The following ZNF805 variants were observed in gnomAD, a reference collection of about 807,000 sequenced individuals.
ZNF805 encodes the protein CTC-444N24.8.
ZNF805 carries 7 observed loss-of-function variants against 13.6 expected under a neutral mutation model. That is an observed-to-expected ratio of 0.51 (90% CI 0.29 to 0.97). The LOEUF (loss-of-function observed/expected upper bound fraction) is 0.97. Among genes scored for constraint, ZNF805 ranks in the 50% least tolerant of loss-of-function variants. The probability of loss-of-function intolerance (pLI) is 0.08; values close to 1 mark genes in which losing one functional copy is unlikely to be tolerated. For synonymous variants in ZNF805, 293 were observed against 279.8 expected (o/e 1.05, Z -0.47); for missense variants, 604 against 771.0 (o/e 0.78, Z 2.57).
rs921230717 is a variant in ZNF805, at chr19:57,254,132, A to G, written c.1313A>G (p.His438Arg). Residue 438 changes from histidine to arginine, a missense_variant, in exon 4 of 4, where the codon CAC becomes CGC. Physicochemically the swap from His to Arg is conservative, Grantham distance 29. This residue lies in a region of ZNF805 where 228 missense variants were observed against 352.8 expected (regional missense o/e 0.65). Coordinates refer to ENST00000414468, the MANE Select transcript of ZNF805 (RefSeq NM_001023563.4). ...VCSECGKAFT[H>R]CSTFILHKRA... ...AGTGAATGCGGAAAGGCCTTCACCC[A>G]CTGCTCTACTTTCATCTTGCATAAA... is the stretch of plus-strand genomic sequence containing the variant. 1 of 1,613,638 alleles carries G rather than the reference A, an allele frequency of 6.2e-7. No homozygotes were observed. The highest frequency in any genetic ancestry group is 8.5e-7 in the Non-Finnish European group (1 of 1,179,964).
intron 3 of ZNF805, among the ~76,000 whole-genome samples, chr19:57,250,853 C>T (rs941222085): frequency 6.6e-6 from 1 of 152,158 alleles, no homozygotes; most frequent in Admixed American, 6.5e-5. Flanking sequence ...CCCTTGGCCA[C>T]GGCCAGTTTT....
At chr19:57,251,373 G>A (rs2087650853) in intron 3 of ZNF805, among the ~76,000 whole-genome samples, 1 of 152,108 alleles carries the variant, frequency 6.6e-6, no homozygotes, top group East Asian at 1.9e-4. Context: ...TTCCTCATTG[G>A]TAGGGTGGTT....
chr19:57,256,587 G>T lies in ZNF805; in HGVS notation c.*1884G>T, dbSNP rs2087688595. ...AAGGAAGTGTTCATTTTATGTAAAT[G>T]TTCTAATTTGTAGCATTCTTTGAAA... is the stretch of plus-strand genomic sequence containing the variant. On this transcript the variant is annotated 3_prime_UTR_variant, in exon 4 of 4. Transcript: ENST00000414468. Among the ~76,000 whole-genome samples the T allele has an allele frequency of 6.6e-6, 1 of 152,050 alleles. No homozygotes were observed. Among genetic ancestry groups the T allele is most frequent in the Admixed American group, 6.6e-5 (1 of 15,266 alleles).
Position 57,254,806 on chromosome 19 carries a change from C to A in ZNF805, c.*103C>A. 8.0e-7 allele frequency: 1 copy of A among 1,243,844 alleles called. No homozygotes were observed. The highest frequency in any genetic ancestry group is 1.1e-6 in the Non-Finnish European group (1 of 904,214). The allele number at this position is 1,243,844 out of a possible 1,614,324, so 77.1% of individuals were successfully genotyped here. On this transcript the variant is annotated 3_prime_UTR_variant, in exon 4 of 4. Transcript: ENST00000414468. Reference sequence around the variant, plus strand: ...TCCATCCGAATTCATCCTGGAAAAACACCCAGTGGTTATTACGCACTTGGG... The same window carrying A: ...TCCATCCGAATTCATCCTGGAAAAAAACCCAGTGGTTATTACGCACTTGGG...
At position 57,260,545 on chromosome 19, in the gene ZNF805, T is replaced by C. The variant is rs567691690; in HGVS notation, c.*5842T>C. ...TCTGACTTGAAGGTCCTTTCCTGGC[T>C]TCTGTGAATTCCTGGCTTTTTTCCT... is the stretch of plus-strand genomic sequence containing the variant. On this transcript the variant is annotated 3_prime_UTR_variant, in exon 4 of 4. Coordinates refer to ENST00000414468, the MANE Select transcript of ZNF805 (RefSeq NM_001023563.4). Among the ~76,000 whole-genome samples, 1 of 152,212 alleles carries C rather than the reference T, an allele frequency of 6.6e-6. No individual in the cohort carries two copies. Among genetic ancestry groups the C allele is most frequent in the Non-Finnish European group, 1.5e-5 (1 of 68,042 alleles).
chr19:57,245,864 C>T (rs1397980239), intron 2 of ZNF805, among the ~76,000 whole-genome samples: 1 of 151,974 alleles, frequency 6.6e-6, no homozygotes, highest in African/African-American at 2.4e-5. Flanking sequence ...CAGGACAGAT[C>T]CTTTCTCCTC....
At position 57,243,813 on chromosome 19, in the gene ZNF805, G is replaced by T. The variant is rs547924264; in HGVS notation, c.31-110G>T. 4 of 1,473,920 alleles carry T rather than the reference G, an allele frequency of 2.7e-6. No homozygotes were observed. The African/African-American group carries it at 4.2e-5, about 15-fold the overall frequency. The allele number at this position is 1,473,920 out of a possible 1,614,324, so 91.3% of individuals were successfully genotyped here. A position where few individuals can be genotyped will look rare whatever the true frequency, so the allele number is the denominator to read the frequency against. On this transcript the variant is annotated intron_variant, in intron 1 of 3. Transcript: ENST00000414468. ...CTCCTTCAGCCTGGTACAAAGTTAG[G>T]CCCTCAGGAGGCCCTCAGTGACTTG... is the stretch of plus-strand genomic sequence containing the variant.
Position 57,240,934 on chromosome 19 carries a change from G to C in ZNF805, c.30+13G>C, listed in dbSNP as rs2087575752. 1.3e-6 allele frequency: 2 copies of C among 1,559,462 alleles called. No homozygotes were observed. The highest frequency in any genetic ancestry group is 1.4e-5 in the African/African-American group (1 of 73,292). On this transcript the variant is annotated intron_variant, in intron 1 of 3. Transcript: ENST00000414468. ...GGACCCGGCGCAGGTGAGTGGACAA[G>C]GTTTCGGCCTTGCTGCTTTTCTGCT...
At chr19:57,248,433 GC>G (rs1290626310) in intron 2 of ZNF805, among the ~76,000 whole-genome samples, 171 bp from the exon 3 acceptor site, 1 of 152,190 alleles carries the variant, frequency 6.6e-6, no homozygotes, top group African/African-American at 2.4e-5. Flanking sequence ...TTCTGTGGCA[GC>G]ATGACATGCC....
rs909529609 is a variant in ZNF805, at chr19:57,245,595, C to A, written c.157+1546C>A. Reference sequence around the variant, plus strand: ...GAGATAGAGACCATCCTGGCTAACACGGTGCAACCCTGTCTCTACTAAAAA... The same window carrying A: ...GAGATAGAGACCATCCTGGCTAACAAGGTGCAACCCTGTCTCTACTAAAAA... On this transcript the variant is annotated intron_variant, in intron 2 of 3. Transcript: ENST00000414468. 6.0e-4 allele frequency among the ~76,000 whole-genome samples: 89 copies of A among 148,300 alleles called. 2 individuals carry two copies. Among genetic ancestry groups the A allele is most frequent in the Middle Eastern group, 3.5e-3 (1 of 288 alleles).
Position 57,248,862 on chromosome 19 carries a change from A to G in ZNF805, c.253+162A>G, listed in dbSNP as rs149646838. ...GTGGTTTCTCCGTCCTCCCAGCCCC[A>G]TCGCACTTGTCGCCACTCCTGGGGA... is the stretch of plus-strand genomic sequence containing the variant. On this transcript the variant is annotated intron_variant, in intron 3 of 3. Transcript: ENST00000414468. Among the ~76,000 whole-genome samples the G allele has an allele frequency of 1.0e-3, 159 of 152,240 alleles. 1 individual carries two copies. Among genetic ancestry groups the G allele is most frequent in the Non-Finnish European group, 1.7e-3 (117 of 68,004 alleles).
At chr19:57,244,644 G>A (rs569943812) in intron 2 of ZNF805, among the ~76,000 whole-genome samples, 68 of 152,294 alleles carry the variant, frequency 4.5e-4, no homozygotes, top group African/African-American at 1.6e-3. Context: ...AGGTAGGATT[G>A]CCAGCTGTAT....
chr19:57,247,575 G>T (rs1209046862), intron 2 of ZNF805, among the ~76,000 whole-genome samples: 1 of 152,204 alleles, frequency 6.6e-6, no homozygotes, highest in Non-Finnish European at 1.5e-5. Context: ...GTTATTTTAT[G>T]AAAAGGCTCA....
intron 3 of ZNF805, among the ~76,000 whole-genome samples, chr19:57,249,988 T>C (rs1480965975): frequency 2.0e-5 from 3 of 152,128 alleles, no homozygotes; most frequent in African/African-American, 7.2e-5. Context: ...CTTGAAAATC[T>C]CAAAAGCACA....
intron 2 of ZNF805, among the ~76,000 whole-genome samples, chr19:57,246,575 C>A (rs1024848282): frequency 6.6e-6 from 1 of 151,880 alleles, no homozygotes; most frequent in African/African-American, 2.4e-5. Flanking sequence ...CAGTTGATAG[C>A]GACCATCCTG....
At chr19:57,253,000 A>C (rs76232955) in intron 3 of ZNF805, 73 bp from the exon 4 acceptor site, 1 of 1,270,222 alleles carries the variant, frequency 7.9e-7, no homozygotes, top group Non-Finnish European at 1.0e-6. Flanking sequence ...CATTTTTTTT[A>C]CTGAAGTGGT....
At position 57,259,516 on chromosome 19, in the gene ZNF805, G is replaced by A. The variant is rs1337938399; in HGVS notation, c.*4813G>A. On this transcript the variant is annotated 3_prime_UTR_variant, in exon 4 of 4. Coordinates refer to ENST00000414468, the MANE Select transcript of ZNF805 (RefSeq NM_001023563.4). ...CATTTGTTTTGTTTTGTTTTGTTTT[G>A]TTTTTTTGAGACAGACTCTTTGCTC... Among the ~76,000 whole-genome samples, 1 of 151,460 alleles carries A rather than the reference G, an allele frequency of 6.6e-6. No homozygotes were observed. The highest frequency in any genetic ancestry group is 6.6e-5 in the Admixed American group (1 of 15,176).
intron 3 of ZNF805, among the ~76,000 whole-genome samples, chr19:57,250,949 C>T (rs112437904): frequency 1.8e-4 from 27 of 152,204 alleles, no homozygotes; most frequent in African/African-American, 5.3e-4. Context: ...TTTCTGTACT[C>T]AACATAAAAA....
Position 57,254,857 on chromosome 19 carries a change from T to C in ZNF805, c.*154T>C, listed in dbSNP as rs1450171706. On this transcript the variant is annotated 3_prime_UTR_variant, in exon 4 of 4. Transcript: ENST00000414468. Reference sequence around the variant, plus strand: ...AAAACCTTTAGCTCCATCTTTCTCATTAGTTTACAGTGCAATGTTATCTCA... The same window carrying C: ...AAAACCTTTAGCTCCATCTTTCTCACTAGTTTACAGTGCAATGTTATCTCA... 2 of 763,670 alleles carry C rather than the reference T, an allele frequency of 2.6e-6. No homozygotes were observed. Among genetic ancestry groups the C allele is most frequent in the African/African-American group, 1.8e-5 (1 of 56,792 alleles). 47.3% of individuals were successfully genotyped at this position (763,670 alleles called of 1,614,324 possible). A position where few individuals can be genotyped will look rare whatever the true frequency, so the allele number is the denominator to read the frequency against.
Sources: allele counts gnomAD v4.1 joint callset (sites outside exome capture counted in the v4.1 genomes callset), GRCh38; gene constraint gnomAD v4.1.1; regional missense constraint gnomAD v4.1.1; transcripts MANE v1.5; gene names NCBI Gene and HGNC (gene_info 2026-07-23, HGNC 2026-07-21).